Variants in MEIKIN observed in about 807,000 individuals in gnomAD.
The protein encoded by MEIKIN is meiosis-specific kinetochore protein.
At chr5:131,814,278 CT>C (rs35694343) in intron 12 of MEIKIN, among the ~76,000 whole-genome samples, 102,862 of 137,032 alleles carry the variant, frequency 0.75, 38,200 homozygotes, top group Middle Eastern at 0.8. Context: ...TTGGACAGAT[CT>C]TTTTTTTTTT....
chr5:131,835,244 G>GTA lies in MEIKIN; in HGVS notation c.975+16018_975+16019dup, dbSNP rs61393524. ...TATGTGTATATATATGTATATATGT[G>GTA]TATATATATGATATATGATATCAAC... On this transcript the variant is annotated intron_variant, in intron 11 of 12. Transcript: ENST00000442687. 1.0e-4 allele frequency among the ~76,000 whole-genome samples: 15 copies of GTA among 150,438 alleles called. No individual in the cohort carries two copies. In the East Asian group the frequency reaches 2.7e-3, roughly 27 times the overall value.
chr5:131,832,025 C>T (rs1749723812), intron 11 of MEIKIN, among the ~76,000 whole-genome samples: 1 of 152,102 alleles, frequency 6.6e-6, no homozygotes, highest in African/African-American at 2.4e-5. Context: ...CTCCAAATCT[C>T]ATGTCCTCAC....
intron 4 of MEIKIN, among the ~76,000 whole-genome samples, chr5:131,941,750 C>G (rs1751873474): frequency 1.3e-5 from 2 of 152,202 alleles, no homozygotes; most frequent in African/African-American, 2.4e-5. Flanking sequence ...GCACTCATAA[C>G]TTAATATACT....
intron 8 of MEIKIN, among the ~76,000 whole-genome samples, chr5:131,887,544 T>C (rs541230047): frequency 6.6e-5 from 10 of 152,286 alleles, no homozygotes; most frequent in Admixed American, 3.3e-4. Context: ...TGGTGTGAGA[T>C]GGTAATTCAC....
At chr5:131,911,710 A>G (rs1043166604) in intron 8 of MEIKIN, 105 bp downstream of exon 8, 2 of 386,848 alleles carry the variant, frequency 5.2e-6, no homozygotes, top group African/African-American at 4.1e-5. Flanking sequence ...CTGGGCTACT[A>G]ACTTTGTTAA....
At chr5:131,909,864 A>C (rs1390266517) in intron 8 of MEIKIN, among the ~76,000 whole-genome samples, 2 of 152,286 alleles carry the variant, frequency 1.3e-5, no homozygotes, top group Admixed American at 6.5e-5. Context: ...TCAAAACTAC[A>C]ATGTCATATC....
chr5:131,835,911 C>T (rs751737566), intron 11 of MEIKIN, among the ~76,000 whole-genome samples: 12 of 151,486 alleles, frequency 7.9e-5, no homozygotes, highest in Non-Finnish European at 1.3e-4. Context: ...CTTTTTTTAA[C>T]TTTTAAGTTC....
At chr5:131,831,996 A>G (rs892456906) in intron 11 of MEIKIN, among the ~76,000 whole-genome samples, 10 of 152,094 alleles carry the variant, frequency 6.6e-5, no homozygotes, top group Non-Finnish European at 1.5e-4. Context: ...GCCAAACCAT[A>G]TCATTCCACC....
chr5:131,941,241 C>A (rs1374950964), intron 4 of MEIKIN, among the ~76,000 whole-genome samples: 2 of 139,310 alleles, frequency 1.4e-5, no homozygotes, highest in East Asian at 4.1e-4. Context: ...TCACTGCAAC[C>A]TCCGCCTCCC....
rs567463099 is a variant in MEIKIN at position 131,871,209 on chromosome 5, C to T, written c.774+7769G>A. Among the ~76,000 whole-genome samples, 244 of 152,346 alleles carry T rather than the reference C, an allele frequency of 1.6e-3. 1 individual carries two copies. The highest frequency in any genetic ancestry group is 5.7e-3 in the African/African-American group (235 of 41,580). On this transcript the variant is annotated intron_variant, in intron 9 of 12. Transcript: ENST00000442687. Reference sequence around the variant, plus strand: ...GCCGAAGCAGGGCAAGGAATCACCTCACCCGGGAAGCACAAGGGGTCAGGG... The same window carrying T: ...GCCGAAGCAGGGCAAGGAATCACCTTACCCGGGAAGCACAAGGGGTCAGGG...
chr5:131,892,554 T>G (rs1750946650), intron 8 of MEIKIN, among the ~76,000 whole-genome samples: 1 of 152,214 alleles, frequency 6.6e-6, no homozygotes, highest in Non-Finnish European at 1.5e-5. Flanking sequence ...GTGCCGTGGT[T>G]TTCAGCTCCA....
At chr5:131,867,378 T>C (rs1170044223) in intron 9 of MEIKIN, among the ~76,000 whole-genome samples, 1 of 152,178 alleles carries the variant, frequency 6.6e-6, no homozygotes, top group Admixed American at 6.5e-5. Flanking sequence ...CATCATTATC[T>C]CAAAAGTCCA....
intron 9 of MEIKIN, among the ~76,000 whole-genome samples, chr5:131,857,463 C>A (rs547625283): frequency 3.2e-4 from 48 of 152,242 alleles, no homozygotes; most frequent in African/African-American, 1.1e-3. Context: ...CAGAGTAGGG[C>A]AGTCTTGTCC....
In MEIKIN at chr5:131,825,550, G is replaced by A. The variant is rs145517085; in HGVS notation, c.976-6687C>T. ...CTTGAGGTCAGGGTTTCTATTTGGG[G>A]TCAGTCACACAGGCATGTAGTTCCT... On this transcript the variant is annotated intron_variant, in intron 11 of 12. Transcript: ENST00000442687. Among the ~76,000 whole-genome samples the A allele has an allele frequency of 4.4e-3, 675 of 152,268 alleles. 11 individuals are homozygous for A. The highest frequency in any genetic ancestry group is 0.016 in the African/African-American group (656 of 41,562).
chr5:131,807,675 A>G (rs1384940704), intron 12 of MEIKIN, among the ~76,000 whole-genome samples: 2 of 152,030 alleles, frequency 1.3e-5, no homozygotes, highest in Non-Finnish European at 2.9e-5. Flanking sequence ...GCATTTTCCT[A>G]ACCTTTATTA....
intron 9 of MEIKIN, among the ~76,000 whole-genome samples, chr5:131,858,643 G>A (rs1409809913): frequency 6.6e-6 from 1 of 152,108 alleles, no homozygotes; most frequent in Non-Finnish European, 1.5e-5. Flanking sequence ...AGAGTAAACA[G>A]ACAACCTACA....
At chr5:131,883,418 G>C (rs1349074912) in intron 8 of MEIKIN, among the ~76,000 whole-genome samples, 1 of 152,218 alleles carries the variant, frequency 6.6e-6, no homozygotes, top group Non-Finnish European at 1.5e-5. Context: ...TTGCAAGTCT[G>C]AACAGGAGTT....
intron 12 of MEIKIN, among the ~76,000 whole-genome samples, chr5:131,813,479 T>A (rs1773040390): frequency 6.7e-6 from 1 of 149,628 alleles, no homozygotes; most frequent in Non-Finnish European, 1.5e-5. Context: ...CAGGCTGGAG[T>A]GCAGTGGCAT....
chr5:131,900,673 T>C (rs768722680), intron 8 of MEIKIN, among the ~76,000 whole-genome samples: 21 of 152,122 alleles, frequency 1.4e-4, no homozygotes, highest in Non-Finnish European at 2.2e-4. Context: ...GCCCATGAGA[T>C]AGGGCTGGTC....
Sources: allele counts gnomAD v4.1 joint callset (sites outside exome capture counted in the v4.1 genomes callset), GRCh38; gene constraint gnomAD v4.1.1; transcripts MANE v1.5; gene names NCBI Gene and HGNC (gene_info 2026-07-23, HGNC 2026-07-21).